CHMP7: variants seen among roughly 807,000 people sequenced by gnomAD.
The protein encoded by CHMP7 is charged multivesicular body protein 7.
In CHMP7, 15 loss-of-function variants were observed where a neutral mutation model predicts 53.7. That is an observed-to-expected ratio of 0.28 (90% CI 0.19 to 0.43). The LOEUF (loss-of-function observed/expected upper bound fraction) is 0.43. Ranked by LOEUF, CHMP7 falls within the 20% of genes least tolerant of loss-of-function variation. CHMP7 has a pLI of 1.00. For missense variants in CHMP7, 527 were observed against 569.4 expected (o/e 0.93, Z 0.76); for synonymous variants, 261 against 228.0 (o/e 1.14, Z -1.30).
chr8:23,256,638 C>T (rs754294807), intron 5 of CHMP7, 45 bp downstream of exon 5: 10 of 1,570,918 alleles, frequency 6.4e-6, no homozygotes, highest in South Asian at 5.7e-5. Context: ...CTGTTGCTGG[C>T]CCCCAGAGCC....
rs57918843 is a variant in CHMP7, at chr8:23,260,227, C to T, written c.1204C>T (p.Pro402Ser). The part of the protein sequence containing the change: ...TKEPLDLPDN[P>S]RNRHFTNSVP... Reference sequence around the variant, plus strand: ...AGAACCTTTGGATCTGCCTGACAACCCCCGCAATAGGCATTTTACCAACAG... The same window carrying T: ...AGAACCTTTGGATCTGCCTGACAACTCCCGCAATAGGCATTTTACCAACAG... The change falls in exon 10 of 11, where the codon CCC becomes TCC. Residue 402 changes from proline to serine, a missense_variant. Pro to Ser is a moderately conservative substitution (Grantham distance 74). Transcript: ENST00000397677. 1.2e-3 allele frequency: 1,927 copies of T among 1,614,164 alleles called. 50 individuals are homozygous for T. In the East Asian group the frequency reaches 0.039, roughly 33 times the overall value.
intron 3 of CHMP7, among the ~76,000 whole-genome samples, chr8:23,251,761 A>G (rs1483520110): frequency 1.3e-5 from 2 of 152,202 alleles, no homozygotes; most frequent in Non-Finnish European, 2.9e-5. Context: ...TAATCTATCG[A>G]TATGCCACAA....
chr8:23,259,998 T>G, intron 9 of CHMP7, 146 bp from the exon 10 acceptor site: 1 of 631,580 alleles, frequency 1.6e-6, no homozygotes, highest in Admixed American at 2.9e-5. Context: ...GAAGCTACCC[T>G]CCTGACTTCC....
chr8:23,259,857 C>T, intron 9 of CHMP7: 1 of 372,224 alleles, frequency 2.7e-6, no homozygotes, highest in South Asian at 3.3e-5. Flanking sequence ...CTGCGGCATT[C>T]CTCATTCACA....
intron 3 of CHMP7, among the ~76,000 whole-genome samples, chr8:23,254,167 C>T (rs1216161527): frequency 7.1e-6 from 1 of 140,978 alleles, no homozygotes; most frequent in East Asian, 2.2e-4. Context: ...CTTGCTCACT[C>T]TTCAGAATTC....
At chr8:23,259,733 C>G (rs1802304078) in intron 9 of CHMP7, among the ~76,000 whole-genome samples, 2 of 152,276 alleles carry the variant, frequency 1.3e-5, no homozygotes, top group Middle Eastern at 3.4e-3. Context: ...AGTAGATTTG[C>G]TTTTCCGGGT....
intron 3 of CHMP7, among the ~76,000 whole-genome samples, chr8:23,250,699 G>A (rs1023592228): frequency 2.0e-5 from 3 of 151,196 alleles, no homozygotes; most frequent in African/African-American, 7.3e-5. Context: ...GGACACTGCA[G>A]AGAATAGTTA....
rs1274101252 is a variant in CHMP7 at position 23,246,674 on chromosome 8, C to T, written c.-22C>T. 2 of 1,542,920 alleles carry T rather than the reference C, an allele frequency of 1.3e-6. No homozygotes were observed. Among genetic ancestry groups the T allele is most frequent in the African/African-American group, 2.7e-5 (2 of 72,762 alleles). ...ACCAGGGCCAGGCTTGTGTTCGCAG[C>T]CTTGCCGGGGCTGGGGTTCCGATGT... On this transcript the variant is annotated 5_prime_UTR_variant, in exon 2 of 11. Transcript: ENST00000397677.
chr8:23,255,235 C>T lies in CHMP7; in HGVS notation c.472-12C>T. 1 of 1,613,848 alleles carries T rather than the reference C, an allele frequency of 6.2e-7. No homozygotes were observed. Among genetic ancestry groups the T allele is most frequent in the Non-Finnish European group, 8.5e-7 (1 of 1,179,994 alleles). On this transcript the variant is annotated splice_polypyrimidine_tract_variant and intron_variant, in intron 3 of 10. Transcript: ENST00000397677. ...GGCCAGGGCCTGTCAGCCAATGTTG[C>T]CTTTCCCACAGGAAAAGGCTGAGGA...
At position 23,246,524 on chromosome 8, in the gene CHMP7, C is replaced by T. The variant is rs1387589537; in HGVS notation, c.-172C>T. The stretch of plus-strand genomic sequence containing the variant: ...TCATACTGCCTCCTGGCTGACGGAG[C>T]GCAGCGCAACGCATGCGCCTTGAAG... On this transcript the variant is annotated 5_prime_UTR_variant, in exon 2 of 11. Transcript: ENST00000397677. The T allele has an allele frequency of 1.6e-6, 1 of 616,954 alleles. No homozygotes were observed. The highest frequency in any genetic ancestry group is 2.8e-6 in the Non-Finnish European group (1 of 353,844). 38.2% of individuals were successfully genotyped at this position (616,954 alleles called of 1,614,324 possible). A position where few individuals can be genotyped will look rare whatever the true frequency, so the allele number is the denominator to read the frequency against.
chr8:23,248,038 C>T (rs1429381599), intron 2 of CHMP7: 1 of 455,922 alleles, frequency 2.2e-6, no homozygotes, highest in Non-Finnish European at 4.4e-6. Flanking sequence ...TCTCGAACTC[C>T]TGCACTCAAG....
intron 1 of CHMP7, among the ~76,000 whole-genome samples, chr8:23,244,205 G>T (rs370490573): frequency 3.3e-4 from 50 of 152,002 alleles, no homozygotes; most frequent in East Asian, 3.1e-3. Context: ...TTTTTGTGTT[G>T]TATCTAAAAA....
rs539271617 is a variant in CHMP7 at position 23,247,087 on chromosome 8, C to A, written c.299+93C>A. The A allele has an allele frequency of 5.3e-5, 67 of 1,269,756 alleles. 1 individual carries two copies. In the African/African-American group the frequency reaches 9.6e-4, roughly 18 times the overall value. The allele number at this position is 1,269,756 out of a possible 1,614,324, so 78.7% of individuals were successfully genotyped here. On this transcript the variant is annotated intron_variant, in intron 2 of 10. Coordinates refer to ENST00000397677, the MANE Select transcript of CHMP7 (RefSeq NM_152272.5). ...GTCCTGTTCTCTGCACAGCGCACTGCGCCCAGCCCAGTGTCTGGCCCAGAG... is the reference window on the plus strand; with the variant it reads ...GTCCTGTTCTCTGCACAGCGCACTGAGCCCAGCCCAGTGTCTGGCCCAGAG...
At chr8:23,249,148 A>G (rs2128857198) in intron 2 of CHMP7, 62 bp from the exon 3 acceptor site, 1 of 1,382,132 alleles carries the variant, frequency 7.2e-7, no homozygotes, top group Admixed American at 2.4e-5. Flanking sequence ...AGGGGGAGCT[A>G]GAGACTGGAA....
intron 3 of CHMP7, among the ~76,000 whole-genome samples, chr8:23,251,343 T>C (rs1472977844): frequency 6.6e-6 from 1 of 152,256 alleles, no homozygotes; most frequent in Non-Finnish European, 1.5e-5. Context: ...AAAGTTTTCT[T>C]TCTGTTCATC....
chr8:23,257,795 G>A (rs1563410977), intron 5 of CHMP7, among the ~76,000 whole-genome samples: 1 of 152,218 alleles, frequency 6.6e-6, no homozygotes, highest in African/African-American at 2.4e-5. Flanking sequence ...TGCATGTTCT[G>A]TCCCTGTGGG....
chr8:23,245,496 T>C (rs1801654215), intron 1 of CHMP7, among the ~76,000 whole-genome samples: 2 of 152,258 alleles, frequency 1.3e-5, no homozygotes, highest in South Asian at 4.1e-4. Flanking sequence ...TGTACAATTC[T>C]TTTGATACAT....
Position 23,243,668 on chromosome 8 carries a change from G to C in CHMP7, c.-617G>C, listed in dbSNP as rs1275853814. On this transcript the variant is annotated 5_prime_UTR_variant, in exon 1 of 11. Transcript: ENST00000397677. ...TCCTCTGACTGTTATGCAGCAGGCCGGCAGGTCAATAAACTTGCTTGCCTG... is the reference window on the plus strand; with the variant it reads ...TCCTCTGACTGTTATGCAGCAGGCCCGCAGGTCAATAAACTTGCTTGCCTG... 6.6e-6 allele frequency: 1 copy of C among 152,436 alleles called. No individual in the cohort carries two copies. Among genetic ancestry groups the C allele is most frequent in the Admixed American group, 6.5e-5 (1 of 15,298 alleles). 9.4% of individuals were successfully genotyped at this position (152,436 alleles called of 1,614,324 possible). A position where few individuals can be genotyped will look rare whatever the true frequency, so the allele number is the denominator to read the frequency against.
chr8:23,258,559 C>A, intron 7 of CHMP7, 110 bp downstream of exon 7: 2 of 1,472,054 alleles, frequency 1.4e-6, no homozygotes, highest in Non-Finnish European at 1.9e-6. Context: ...CGGGATGTGG[C>A]TGGGGTTGCC....
Sources: allele counts gnomAD v4.1 joint callset (sites outside exome capture counted in the v4.1 genomes callset), GRCh38; gene constraint gnomAD v4.1.1; transcripts MANE v1.5; gene names NCBI Gene and HGNC (gene_info 2026-07-23, HGNC 2026-07-21).